The following NIPAL1 variants were observed in gnomAD, a reference collection of about 807,000 sequenced individuals.
The protein encoded by NIPAL1 is NIPA like domain containing 1, also known as magnesium transporter NIPA3.
NIPAL1 carries 35 observed loss-of-function variants against 37.7 expected under a neutral mutation model. That is an observed-to-expected ratio of 0.93 (90% CI 0.71 to 1.23). The LOEUF is 1.23. NIPAL1 is among the 50% of genes most tolerant of loss of function. The probability of loss-of-function intolerance (pLI) is 0.00; values close to 1 mark genes in which losing one functional copy is unlikely to be tolerated. For missense variants in NIPAL1, 412 were observed against 473.9 expected, an observed-to-expected ratio of 0.87 and a Z score of 1.21; for synonymous variants, 162 against 183.0, an observed-to-expected ratio of 0.89 and a Z score of 0.93.
chr4:48,021,889 GTA>G (rs10554799), intron 1 of NIPAL1, among the ~76,000 whole-genome samples: 121,630 of 149,404 alleles, frequency 0.81, 50,177 homozygotes, highest in Non-Finnish European at 0.89. Context: ...ACATTGGTGT[GTA>G]TATATATATA....
At chr4:48,018,495 T>C (rs143470599) in intron 1 of NIPAL1, among the ~76,000 whole-genome samples, 46 of 152,318 alleles carry the variant, frequency 3.0e-4, no homozygotes, top group African/African-American at 1.1e-3. Context: ...AGATTAGGCT[T>C]TGGCATCAGA....
chr4:48,019,278 G>T (rs546092262), intron 1 of NIPAL1, among the ~76,000 whole-genome samples: 6 of 152,326 alleles, frequency 3.9e-5, no homozygotes, highest in African/African-American at 9.6e-5. Context: ...ATCCCAAAGT[G>T]CTGGGTTTAC....
Position 48,034,743 on chromosome 4 carries a change from G to T in NIPAL1, c.462-138G>T, listed in dbSNP as rs939216484. ...AGTTCTGAGTTTCAAACCAATCTAG[G>T]GTTTCAGTGTCATATAGCATATTCC... On this transcript the variant is annotated intron_variant, in intron 4 of 5. Coordinates refer to ENST00000295461, the MANE Select transcript of NIPAL1 (RefSeq NM_207330.3). The T allele has an allele frequency of 6.5e-6, 4 of 619,508 alleles. No individual in the cohort carries two copies. In the Admixed American group the frequency reaches 1.2e-4, roughly 19 times the overall value. The allele number at this position is 619,508 out of a possible 1,614,324, so 38.4% of individuals were successfully genotyped here. A position where few individuals can be genotyped will look rare whatever the true frequency, so the allele number is the denominator to read the frequency against.
rs1371021191 is a variant in NIPAL1, at chr4:48,036,432, CCTT to C, written c.*266_*268del. On this transcript the variant is annotated 3_prime_UTR_variant, in exon 6 of 6. Transcript: ENST00000295461. ...AGCTATGTGTGTCTCAGAATAATCT[CCTT>C]CTTCTGGTCACAGTATCTTTGTCTC... 5 of 404,290 alleles carry C rather than the reference CCTT, an allele frequency of 1.2e-5. No individual in the cohort carries two copies. The highest frequency in any genetic ancestry group is 4.5e-5 in the Admixed American group (1 of 22,128). 25.0% of individuals were successfully genotyped at this position (404,290 alleles called of 1,614,324 possible).
chr4:48,031,823 C>T (rs942393656), intron 3 of NIPAL1, among the ~76,000 whole-genome samples: 1 of 152,128 alleles, frequency 6.6e-6, no homozygotes, highest in East Asian at 1.9e-4. Context: ...ACTGCAACCT[C>T]CGCCTCCCAG....
rs1262933526 is a variant in NIPAL1, at chr4:48,039,433, A to T, written c.*3261A>T. 6.6e-6 allele frequency: 1 copy of T among 152,150 alleles called. No individual in the cohort carries two copies. Among genetic ancestry groups the T allele is most frequent in the Non-Finnish European group, 1.5e-5 (1 of 68,018 alleles). The allele number at this position is 152,150 out of a possible 1,614,324, so 9.4% of individuals were successfully genotyped here. ...ATTCAGACTATTAGTCTTAACTGGTAGTTTATGTATATATTTTAATACTTT... is the reference window on the plus strand; with the variant it reads ...ATTCAGACTATTAGTCTTAACTGGTTGTTTATGTATATATTTTAATACTTT... On this transcript the variant is annotated 3_prime_UTR_variant, in exon 6 of 6. Transcript: ENST00000295461.
chr4:48,024,879 A>G (rs974495914), intron 1 of NIPAL1, among the ~76,000 whole-genome samples, 189 bp from the exon 2 acceptor site: 1 of 152,234 alleles, frequency 6.6e-6, no homozygotes, highest in Non-Finnish European at 1.5e-5. Context: ...CTTAAAAATC[A>G]TTTTTAAAAA....
In NIPAL1 at chr4:48,035,045, T is replaced by C; in HGVS notation, c.622+4T>C. The C allele has an allele frequency of 1.2e-6, 2 of 1,612,524 alleles. No individual in the cohort carries two copies. The highest frequency in any genetic ancestry group is 1.7e-6 in the Non-Finnish European group (2 of 1,178,786). On this transcript the variant is annotated splice_donor_region_variant and intron_variant, in intron 5 of 5. Coordinates refer to ENST00000295461, the MANE Select transcript of NIPAL1 (RefSeq NM_207330.3). The stretch of plus-strand genomic sequence containing the variant: ...GAAATGAAATTGAGAGACCCAGGTC[T>C]GTGATTCAACCTAAAGAACCACTCA...
rs148825074 is a variant in NIPAL1, at chr4:48,018,252, A to G, written c.46+1367A>G. Among the ~76,000 whole-genome samples, 408 of 152,274 alleles carry G rather than the reference A, an allele frequency of 2.7e-3. 3 individuals are homozygous for G. Among genetic ancestry groups the G allele is most frequent in the African/African-American group, 9.1e-3 (379 of 41,576 alleles). ...TTCTAACCCAGCAAATCTGACAGTT[A>G]CTAACACACCCACACTTGTTTACCC... is the stretch of plus-strand genomic sequence containing the variant. On this transcript the variant is annotated intron_variant, in intron 1 of 5. Coordinates refer to ENST00000295461, the MANE Select transcript of NIPAL1 (RefSeq NM_207330.3).
chr4:48,025,408 C>A, intron 2 of NIPAL1, 74 bp downstream of exon 2: 3 of 1,355,500 alleles, frequency 2.2e-6, no homozygotes, highest in Non-Finnish European at 3.1e-6. Flanking sequence ...CTCAGCAATA[C>A]TCTTATAAAC....
At chr4:48,017,179 CG>C (rs1715440147) in intron 1 of NIPAL1, among the ~76,000 whole-genome samples, 1 of 152,202 alleles carries the variant, frequency 6.6e-6, no homozygotes, top group African/African-American at 2.4e-5. Context: ...GCGTGTGGGA[CG>C]GGGAAACTCA....
chr4:48,019,049 G>A (rs1217869912), intron 1 of NIPAL1, among the ~76,000 whole-genome samples: 1 of 152,112 alleles, frequency 6.6e-6, no homozygotes, highest in Admixed American at 6.5e-5. Context: ...GAGGCGGAGT[G>A]CCACTCCGTC....
intron 1 of NIPAL1, among the ~76,000 whole-genome samples, chr4:48,024,479 C>T (rs956206765): frequency 1.3e-5 from 2 of 152,056 alleles, no homozygotes; most frequent in Non-Finnish European, 2.9e-5. Flanking sequence ...TGGGGTTTCA[C>T]TATGTTGCCC....
At chr4:48,035,357 T>C (rs1715903948) in intron 5 of NIPAL1, among the ~76,000 whole-genome samples, 1 of 152,234 alleles carries the variant, frequency 6.6e-6, no homozygotes, top group Non-Finnish European at 1.5e-5. Flanking sequence ...CCCTAGCTCA[T>C]AGTGGTATTG....
chr4:48,037,381 CCTTTT>C lies in NIPAL1; in HGVS notation c.*1215_*1219del, dbSNP rs1441457738. 1.9e-5 allele frequency: 6 copies of C among 308,178 alleles called. No individual in the cohort carries two copies. Among genetic ancestry groups the C allele is most frequent in the Non-Finnish European group, 2.6e-5 (4 of 154,932 alleles). 19.1% of individuals were successfully genotyped at this position (308,178 alleles called of 1,614,324 possible). A position where few individuals can be genotyped will look rare whatever the true frequency, so the allele number is the denominator to read the frequency against. On this transcript the variant is annotated 3_prime_UTR_variant, in exon 6 of 6. Transcript: ENST00000295461. ...GGAGTCACTTATGTTCATTTTTTTT[CCTTTT>C]CTTTTACTATTATCCTAAAGGTTAT...
At chr4:48,034,700 C>T (rs899255080) in intron 4 of NIPAL1, among the ~76,000 whole-genome samples, 181 bp from the exon 5 acceptor site, 1 of 152,060 alleles carries the variant, frequency 6.6e-6, no homozygotes, top group African/African-American at 2.4e-5. Context: ...AACAGTGAAG[C>T]ATATTTGATT....
intron 2 of NIPAL1, among the ~76,000 whole-genome samples, chr4:48,026,581 C>A (rs368102298): frequency 2.0e-5 from 3 of 151,724 alleles, no homozygotes; most frequent in East Asian, 1.9e-4. Flanking sequence ...AGTGACATTT[C>A]GAAACTGTGG....
In NIPAL1 at chr4:48,038,938, A is replaced by G. The variant is rs571332445; in HGVS notation, c.*2766A>G. ...ATGCATGCCCAGGAGGAAGACTGGG[A>G]AAGATTTAATGAGTTGAAGTATGCT... On this transcript the variant is annotated 3_prime_UTR_variant, in exon 6 of 6. Coordinates refer to ENST00000295461, the MANE Select transcript of NIPAL1 (RefSeq NM_207330.3). 4 of 152,302 alleles carry G rather than the reference A, an allele frequency of 2.6e-5. No individual in the cohort carries two copies. In the South Asian group the frequency reaches 8.3e-4, roughly 32 times the overall value. The allele number at this position is 152,302 out of a possible 1,614,324, so 9.4% of individuals were successfully genotyped here. A position where few individuals can be genotyped will look rare whatever the true frequency, so the allele number is the denominator to read the frequency against.
In NIPAL1 at chr4:48,039,481, A is replaced by C. The variant is rs979922036; in HGVS notation, c.*3309A>C. The C allele has an allele frequency of 2.6e-5, 4 of 152,172 alleles. No homozygotes were observed. The highest frequency in any genetic ancestry group is 5.9e-5 in the Non-Finnish European group (4 of 68,036). 9.4% of individuals were successfully genotyped at this position (152,172 alleles called of 1,614,324 possible). A position where few individuals can be genotyped will look rare whatever the true frequency, so the allele number is the denominator to read the frequency against. ...TTTGTCATCATGTACATATCTTAAG[A>C]TTTATTATGTGAATATCTGCATGTG... On this transcript the variant is annotated 3_prime_UTR_variant, in exon 6 of 6. Coordinates refer to ENST00000295461, the MANE Select transcript of NIPAL1 (RefSeq NM_207330.3).
Sources: gnomAD v4.1 joint callset for allele counts (sites outside exome capture counted in the v4.1 genomes callset) on GRCh38, gnomAD v4.1.1 for gene constraint, MANE v1.5 for transcripts, NCBI Gene and HGNC (gene_info 2026-07-23, HGNC 2026-07-21) for gene names.